Variants in KIAA0319L observed in about 807,000 individuals in gnomAD.
KIAA0319L encodes the protein KIAA0319 like, also known as dyslexia-associated protein KIAA0319-like protein.
Under a neutral mutation model 120.1 loss-of-function variants are expected in KIAA0319L, and 55 were observed. The ratio of observed to expected loss-of-function variants is 0.46; its 90% CI spans 0.37 to 0.57. KIAA0319L has a LOEUF of 0.57. Among genes scored for constraint, KIAA0319L ranks in the 20% least tolerant of loss-of-function variants. The pLI is 0.00. For synonymous variants in KIAA0319L, 398 were observed against 471.9 expected (o/e 0.84, Z 2.03); for missense variants, 1,049 against 1,255.3 (o/e 0.84, Z 2.48).
chr1:35,519,247 C>G (rs1645812701), intron 2 of KIAA0319L, among the ~76,000 whole-genome samples: 1 of 151,948 alleles, frequency 6.6e-6, no homozygotes, highest in African/African-American at 2.4e-5. Context: ...AATACTCAAA[C>G]AAAGGCCCAG....
chr1:35,515,883 G>T (rs969366157), intron 2 of KIAA0319L, among the ~76,000 whole-genome samples: 1 of 151,776 alleles, frequency 6.6e-6, no homozygotes, highest in African/African-American at 2.4e-5. Flanking sequence ...ACCACTGACC[G>T]CCCAGAAATA....
At chr1:35,545,963 A>G (rs1413988873) in intron 2 of KIAA0319L, among the ~76,000 whole-genome samples, 1 of 152,108 alleles carries the variant, frequency 6.6e-6, no homozygotes, top group African/African-American at 2.4e-5. Context: ...TTTCATGGTT[A>G]TAGGGAATAA....
At chr1:35,435,265 G>C (rs1558241939) in intron 20 of KIAA0319L, 184 bp from the exon 21 acceptor site, 8 of 602,366 alleles carry the variant, frequency 1.3e-5, no homozygotes, top group Non-Finnish European at 2.1e-5. Context: ...GGTTGGAACA[G>C]TCCACTAAGG....
At chr1:35,455,908 C>G in intron 10 of KIAA0319L, 105 bp downstream of exon 10, 1 of 864,132 alleles carries the variant, frequency 1.2e-6, no homozygotes, top group Non-Finnish European at 1.8e-6. Flanking sequence ...CCACGTTAAT[C>G]AAAGGCCCCT....
At chr1:35,490,010 G>A (rs1644533643) in intron 3 of KIAA0319L, among the ~76,000 whole-genome samples, 1 of 152,074 alleles carries the variant, frequency 6.6e-6, no homozygotes, top group Non-Finnish European at 1.5e-5. Flanking sequence ...ACCCAGGCTG[G>A]AGTGCCATGA....
Position 35,506,648 on chromosome 1 carries a change from G to A in KIAA0319L, c.630C>T (p.Asn210=), listed in dbSNP as rs149385151. The A allele has an allele frequency of 6.8e-3, 10,972 of 1,614,002 alleles. 43 individuals carry two copies. The highest frequency in any genetic ancestry group is 8.0e-3 in the Non-Finnish European group (9,420 of 1,179,920). Residue 210 remains asparagine, a synonymous_variant, in exon 3 of 21, where the codon AAC becomes AAT. Coordinates refer to ENST00000325722, the MANE Select transcript of KIAA0319L (RefSeq NM_024874.5). The surrounding 1 kb of genome is among the most constrained non-coding windows in gnomAD (Gnocchi z 4.0). ...VTQHSKVNDS[N]ELGGLTTSGS... ...CACTGGTAGTCAGACCACCTAATTC[G>A]TTGGAGTCATTCACTTTAGAATGCT...
At chr1:35,472,398 C>G (rs985327977) in intron 5 of KIAA0319L, among the ~76,000 whole-genome samples, 14 of 151,858 alleles carry the variant, frequency 9.2e-5, no homozygotes, top group South Asian at 2.1e-4. Context: ...TTCAAGTGAT[C>G]CTCCTGCCTC....
chr1:35,497,712 A>C (rs1210337151), intron 3 of KIAA0319L, among the ~76,000 whole-genome samples: 2 of 152,204 alleles, frequency 1.3e-5, no homozygotes, highest in Non-Finnish European at 2.9e-5. Flanking sequence ...AAGGAGTAAC[A>C]AAAGAGCCAT....
intron 4 of KIAA0319L, among the ~76,000 whole-genome samples, chr1:35,477,755 T>C (rs1274714199): frequency 2.7e-5 from 4 of 149,728 alleles, no homozygotes; most frequent in African/African-American, 7.4e-5. Flanking sequence ...CAATAACAAA[T>C]GCTGGTGAGG....
At chr1:35,466,218 C>T (rs1023583883) in intron 7 of KIAA0319L, among the ~76,000 whole-genome samples, 1 of 152,220 alleles carries the variant, frequency 6.6e-6, no homozygotes, top group African/African-American at 2.4e-5. Context: ...CAAAGGCTCA[C>T]ATCTCTGGAA....
Position 35,506,676 on chromosome 1 carries a change from GTCAC to G in KIAA0319L, c.598_601del (p.Val200HisfsTer6). The G allele has an allele frequency of 1.2e-6, 2 of 1,614,174 alleles. No individual in the cohort carries two copies. The highest frequency in any genetic ancestry group is 1.7e-6 in the Non-Finnish European group (2 of 1,180,014). ...GGAGTCATTCACTTTAGAATGCTGT[GTCAC>G]TATAGGTGTAACTACGTCACTGGGA... On this transcript the variant is annotated frameshift_variant, in exon 3 of 21. Coordinates refer to ENST00000325722, the MANE Select transcript of KIAA0319L (RefSeq NM_024874.5). LOFTEE classifies it high-confidence loss of function. This position sits in a 1 kb window ranked among gnomAD's most constrained non-coding sequence, Gnocchi z 4.0.
At chr1:35,521,486 T>C (rs1645910702) in intron 2 of KIAA0319L, among the ~76,000 whole-genome samples, 1 of 148,114 alleles carries the variant, frequency 6.8e-6, no homozygotes. Flanking sequence ...TACAAAAAAT[T>C]AGTTGGGCAT....
intron 9 of KIAA0319L, among the ~76,000 whole-genome samples, chr1:35,459,931 C>T (rs1254937757): frequency 6.6e-6 from 1 of 152,118 alleles, no homozygotes; most frequent in African/African-American, 2.4e-5. Context: ...GCTGAGGAAG[C>T]ATTTTCCAAA....
chr1:35,443,597 G>A (rs575119215), intron 17 of KIAA0319L, among the ~76,000 whole-genome samples: 8 of 151,774 alleles, frequency 5.3e-5, no homozygotes, highest in South Asian at 2.1e-4. Context: ...ACTTGAACCC[G>A]GGGGGGCGGA....
rs1011779546 is a variant in KIAA0319L, at chr1:35,437,433, A to T, written c.2963-2352T>A. Among the ~76,000 whole-genome samples the T allele has an allele frequency of 1.3e-5, 2 of 152,166 alleles. No individual in the cohort carries two copies. The highest frequency in any genetic ancestry group is 2.4e-5 in the African/African-American group (1 of 41,452). On this transcript the variant is annotated intron_variant, in intron 20 of 20. Coordinates refer to ENST00000325722, the MANE Select transcript of KIAA0319L (RefSeq NM_024874.5). The surrounding 1 kb of genome is among the most constrained non-coding windows in gnomAD (Gnocchi z 4.1). ...TCTGTTCATGAGCCCTTCTCTGAGG[A>T]AGAGGAGGCCCTTGCCCTCTGCCTG...
chr1:35,515,992 T>C lies in KIAA0319L; in HGVS notation c.143-8857A>G, dbSNP rs769071438. Among the ~76,000 whole-genome samples the C allele has an allele frequency of 7.0e-4, 106 of 152,012 alleles. 1 individual carries two copies. Among genetic ancestry groups the C allele is most frequent in the Non-Finnish European group, 3.2e-4 (22 of 67,990 alleles). On this transcript the variant is annotated intron_variant, in intron 2 of 20. Transcript: ENST00000325722. The stretch of plus-strand genomic sequence containing the variant: ...CCTGGACACATACACCCTCCCAAGA[T>C]TGAACCAAGAAGAAACTGATTCCCT...
chr1:35,474,959 T>C lies in KIAA0319L; in HGVS notation c.914-53A>G, dbSNP rs570145789. The C allele has an allele frequency of 9.3e-5, 94 of 1,010,144 alleles. No homozygotes were observed. The Admixed American group carries it at 1.9e-3, about 20-fold the overall frequency. The allele number at this position is 1,010,144 out of a possible 1,614,324, so 62.6% of individuals were successfully genotyped here. On this transcript the variant is annotated intron_variant, in intron 4 of 20. Transcript: ENST00000325722. ...TAAGAAATAGATCCAGACTGTCTTA[T>C]TTCTCTCTTTCTTTTGTGATCAAAC...
At chr1:35,475,734 T>C (rs911899710) in intron 4 of KIAA0319L, among the ~76,000 whole-genome samples, 1 of 152,188 alleles carries the variant, frequency 6.6e-6, no homozygotes, top group African/African-American at 2.4e-5. Context: ...ACCATTAGTC[T>C]TTCCAAAATA....
At chr1:35,502,420 T>TCATC (rs1645042597) in intron 3 of KIAA0319L, among the ~76,000 whole-genome samples, 1 of 148,928 alleles carries the variant, frequency 6.7e-6, no homozygotes, top group African/African-American at 2.5e-5. Flanking sequence ...TTATTGCTGC[T>TCATC]GTCATCATCA....
Sources: gnomAD v4.1 joint callset for allele counts (sites outside exome capture counted in the v4.1 genomes callset) on GRCh38, gnomAD v4.1.1 for gene constraint, Gnocchi (gnomAD v3.1) non-coding constraint, MANE v1.5 for transcripts, NCBI Gene and HGNC (gene_info 2026-07-23, HGNC 2026-07-21) for gene names.